OR51B5: variants seen among roughly 807,000 people sequenced by gnomAD.
OR51B5 encodes olfactory receptor family 51 subfamily B member 5.
For synonymous variants in OR51B5, 186 were observed against 144.8 expected, an observed-to-expected ratio of 1.28 and a Z score of -2.04; for missense variants, 456 against 374.6, an observed-to-expected ratio of 1.22 and a Z score of -1.79.
At chr11:5,425,127 G>T (rs545292575) in intron 1 of OR51B5, among the ~76,000 whole-genome samples, 1 of 151,540 alleles carries the variant, frequency 6.6e-6, no homozygotes, top group African/African-American at 2.4e-5. Context: ...GTCTGCTGGC[G>T]TAAATTGCAA....
In OR51B5 at chr11:5,388,086, A is replaced by G. The variant is rs547581034; in HGVS notation, n.85-41176T>C. Among the ~76,000 whole-genome samples the G allele has an allele frequency of 2.0e-5, 3 of 152,274 alleles. No homozygotes were observed. The South Asian group carries it at 6.2e-4, about 32-fold the overall frequency. On this transcript the variant is annotated intron_variant and non_coding_transcript_variant, in intron 1 of 4. Transcript: ENST00000415970. ...ATTTCAATATGTATTTATTGAATCAATTAATGAATAATTATTGAAATAATT... is the reference window on the plus strand; with the variant it reads ...ATTTCAATATGTATTTATTGAATCAGTTAATGAATAATTATTGAAATAATT...
chr11:5,389,978 C>G lies in OR51B5; in HGVS notation n.85-43068G>C, dbSNP rs931809418. 8.1e-6 allele frequency: 13 copies of G among 1,612,302 alleles called. No homozygotes were observed. Among genetic ancestry groups the G allele is most frequent in the Non-Finnish European group, 1.1e-5 (13 of 1,179,884 alleles). ...CCTCTCCCACTCATTTTGCCTGCAC[C>G]AGGAAGTGATACAGCTGGCCTGCAC... On this transcript the variant is annotated intron_variant and non_coding_transcript_variant, in intron 1 of 4. Transcript: ENST00000415970.
intron 1 of OR51B5, among the ~76,000 whole-genome samples, chr11:5,434,718 T>C (rs570863984): frequency 6.6e-6 from 1 of 152,292 alleles, no homozygotes; most frequent in East Asian, 1.9e-4. Context: ...AATCTGTGGA[T>C]GGAAAATGAC....
intron 1 of OR51B5, among the ~76,000 whole-genome samples, chr11:5,415,159 C>T (rs1239700702): frequency 6.6e-6 from 1 of 152,060 alleles, no homozygotes; most frequent in Non-Finnish European, 1.5e-5. Context: ...ACTGAACAAC[C>T]TGCTCCTGAA....
intron 1 of OR51B5, among the ~76,000 whole-genome samples, chr11:5,497,611 G>T (rs1341615077): frequency 6.6e-6 from 1 of 152,126 alleles, no homozygotes; most frequent in Non-Finnish European, 1.5e-5. Context: ...AAGTTGAGGG[G>T]TAGAAGGACT....
At chr11:5,422,319 C>G (rs771665979) in intron 1 of OR51B5, 32 of 1,614,088 alleles carry the variant, frequency 2.0e-5, no homozygotes, top group Non-Finnish European at 2.6e-5. Context: ...TACACCATCT[C>G]CATCATGGGC....
intron 1 of OR51B5, among the ~76,000 whole-genome samples, chr11:5,420,298 G>C (rs918640547): frequency 6.6e-6 from 1 of 151,952 alleles, no homozygotes; most frequent in Non-Finnish European, 1.5e-5. Context: ...TATTTGCATA[G>C]CATGTTGTCA....
At chr11:5,400,950 A>G (rs1849958758) in intron 1 of OR51B5, among the ~76,000 whole-genome samples, 1 of 152,200 alleles carries the variant, frequency 6.6e-6, no homozygotes, top group Non-Finnish European at 1.5e-5. Flanking sequence ...TGCGGGAAGC[A>G]TGTTTGTTCG....
At chr11:5,342,535 C>CTAAATATTA (rs1848911090), downstream of OR51B5, 3 of 1,521,074 alleles carry the variant, frequency 2.0e-6, no homozygotes, top group Non-Finnish European at 2.6e-6. Flanking sequence ...TGCTCTCCTG[C>CTAAATATTA]TAAATATTAG....
intron 1 of OR51B5, among the ~76,000 whole-genome samples, chr11:5,446,908 C>T (rs940882816): frequency 2.0e-5 from 3 of 152,172 alleles, no homozygotes; most frequent in South Asian, 4.1e-4. Context: ...GGATATAAAT[C>T]GTGTTTGATA....
intron 1 of OR51B5, among the ~76,000 whole-genome samples, chr11:5,471,893 C>T (rs990924011): frequency 3.3e-5 from 5 of 152,026 alleles, no homozygotes; most frequent in South Asian, 2.1e-4. Flanking sequence ...TTCAGACTCC[C>T]GGCACAAGAT....
intron 1 of OR51B5, among the ~76,000 whole-genome samples, chr11:5,358,673 G>T (rs867271186): frequency 5.3e-5 from 8 of 151,548 alleles, no homozygotes; most frequent in Non-Finnish European, 1.0e-4. Context: ...TACCAAAGCC[G>T]GGCAGAGACA....
intron 1 of OR51B5, among the ~76,000 whole-genome samples, chr11:5,369,358 T>TAATA (rs1432638724): frequency 6.6e-6 from 1 of 152,160 alleles, no homozygotes; most frequent in Non-Finnish European, 1.5e-5. Context: ...CTATTAACAA[T>TAATA]AATATTTTAG....
intron 1 of OR51B5, chr11:5,453,923 T>A (rs939039674): frequency 1.2e-6 from 2 of 1,614,070 alleles, no homozygotes; most frequent in African/African-American, 2.7e-5. Context: ...CTGCAATGGG[T>A]TTAGGTGCAG....
At position 5,376,215 on chromosome 11, in the gene OR51B5, G is replaced by A. The variant is rs543267869; in HGVS notation, n.85-29305C>T. Among the ~76,000 whole-genome samples the A allele has an allele frequency of 1.3e-3, 204 of 152,058 alleles. 1 individual carries two copies. Among genetic ancestry groups the A allele is most frequent in the African/African-American group, 4.7e-3 (193 of 41,442 alleles). On this transcript the variant is annotated intron_variant and non_coding_transcript_variant, in intron 1 of 4. Transcript: ENST00000415970. The stretch of plus-strand genomic sequence containing the variant: ...AACAACCTGCTCCTGAATGACTACT[G>A]GGTACATAACGAAATGAAGGCAGAA...
In OR51B5 at chr11:5,389,755, T is replaced by C. The variant is rs749819109; in HGVS notation, n.85-42845A>G. On this transcript the variant is annotated intron_variant and non_coding_transcript_variant, in intron 1 of 4. Transcript: ENST00000415970. Reference sequence around the variant, plus strand: ...TCCAGATGTTCTGCATCCACTCTTTTTCCTTCATGGAGTCCTCAGTGCTCC... The same window carrying C: ...TCCAGATGTTCTGCATCCACTCTTTCTCCTTCATGGAGTCCTCAGTGCTCC... 4.3e-6 allele frequency: 7 copies of C among 1,613,994 alleles called. No homozygotes were observed. The South Asian group carries it at 7.7e-5, about 18-fold the overall frequency.
chr11:5,489,024 T>C (rs2133813560), intron 1 of OR51B5: 2 of 1,614,142 alleles, frequency 1.2e-6, no homozygotes, highest in Non-Finnish European at 1.7e-6. Context: ...AGATGTTTTG[T>C]GTCCATTCTA....
At chr11:5,453,492 G>C (rs1318510903) in intron 1 of OR51B5, 4 of 1,541,054 alleles carry the variant, frequency 2.6e-6, no homozygotes, top group East Asian at 4.5e-5. Context: ...TTTTGCTATG[G>C]GGTTGTTCAA....
At chr11:5,404,479 CACCGATCAGCACTCTGTAAAATGG>C (rs1850028861) in intron 1 of OR51B5, among the ~76,000 whole-genome samples, 3 of 152,134 alleles carry the variant, frequency 2.0e-5, no homozygotes, top group South Asian at 4.1e-4. Flanking sequence ...TGTAAAATCC[CACCGATCAGCACTCTGTAAAATGG>C]ACCAATCAGC....
Sources: gnomAD v4.1 joint callset for allele counts (sites outside exome capture counted in the v4.1 genomes callset) on GRCh38, gnomAD v4.1.1 for gene constraint, MANE v1.5 for transcripts, NCBI Gene and HGNC (gene_info 2026-07-23, HGNC 2026-07-21) for gene names.